The following URB1 variants were observed in gnomAD, a reference collection of about 807,000 sequenced individuals.
URB1 encodes URB1 ribosome biogenesis factor.
In URB1, 197 loss-of-function variants were observed where a neutral mutation model predicts 242.3. The ratio of observed to expected loss-of-function variants is 0.81; its 90% confidence interval spans 0.72 to 0.91. URB1 has a LOEUF of 0.91. Ranked by LOEUF, URB1 falls within the 40% of genes least tolerant of loss-of-function variation. The pLI is 0.00. For synonymous variants in URB1, 1,153 were observed against 1,201.8 expected (o/e 0.96, Z 0.84); for missense variants, 2,721 against 2,860.5 (o/e 0.95, Z 1.11).
chr21:32,321,797 G>GTACC lies in URB1; in HGVS notation c.5484_5484+3dup. On this transcript the variant is annotated splice_donor_region_variant and intron_variant, in intron 34 of 38. Coordinates refer to ENST00000382751, the MANE Select transcript of URB1 (RefSeq NM_014825.3). ...TCTCAAATAAGCTTGCGGAACCCAT[G>GTACC]TACCTGTGCTGCCTCGTCACACAGC... 1 of 1,551,656 alleles carries GTACC rather than the reference G, an allele frequency of 6.4e-7. No individual in the cohort carries two copies. The highest frequency in any genetic ancestry group is 1.2e-5 in the South Asian group (1 of 84,064).
At chr21:32,384,002 G>A (rs1371084884) in intron 3 of URB1, among the ~76,000 whole-genome samples, 1 of 152,168 alleles carries the variant, frequency 6.6e-6, no homozygotes, top group Admixed American at 6.5e-5. Context: ...TGGGAAGGTG[G>A]CATTTTATAA....
intron 32 of URB1, among the ~76,000 whole-genome samples, chr21:32,323,082 C>T (rs560359910): frequency 4.4e-4 from 67 of 152,350 alleles, no homozygotes; most frequent in Non-Finnish European, 8.5e-4. Context: ...CCTTGGATCA[C>T]CAATGAGTCT....
In URB1 at chr21:32,316,772, C is replaced by A. The variant is rs1429129957; in HGVS notation, c.6328G>T (p.Glu2110Ter). ...AVSWVLRSVAEHPLSRAEAAG... is the reference protein window; with the variant it reads ...AVSWVLRSVA ...GCCTCTGCCCTGCTGAGCGGGTGCT[C>A]GGCCACCGACCGCAGCACCCAACTG... is the stretch of plus-strand genomic sequence containing the variant. The change falls in exon 38 of 39, where the codon GAG becomes TAG. Residue 2110 changes from glutamate (E) to a stop codon, truncating the protein, a stop_gained. Coordinates refer to ENST00000382751, the MANE Select transcript of URB1 (RefSeq NM_014825.3). LOFTEE classifies it high-confidence loss of function. 1 of 1,549,908 alleles carries A rather than the reference C, an allele frequency of 6.5e-7. No individual in the cohort carries two copies. The highest frequency in any genetic ancestry group is 1.2e-5 in the South Asian group (1 of 83,952).
intron 22 of URB1, among the ~76,000 whole-genome samples, chr21:32,345,779 C>T (rs2033079969): frequency 6.6e-6 from 1 of 152,186 alleles, no homozygotes; most frequent in African/African-American, 2.4e-5. Flanking sequence ...CCTCCCCTAT[C>T]TCATCAGTCA....
chr21:32,311,936 C>G lies in URB1; in HGVS notation c.*2982G>C, dbSNP rs751870972. ...AACTGACCCTCAATGGGGGTCCCCT[C>G]GTCAGGAGCAAGCCCAGCGAGCCTC... On this transcript the variant is annotated 3_prime_UTR_variant, in exon 39 of 39. Coordinates refer to ENST00000382751, the MANE Select transcript of URB1 (RefSeq NM_014825.3). The G allele has an allele frequency of 6.2e-7, 1 of 1,613,668 alleles. No individual in the cohort carries two copies. Among genetic ancestry groups the G allele is most frequent in the Non-Finnish European group, 8.5e-7 (1 of 1,180,034 alleles).
intron 2 of URB1, among the ~76,000 whole-genome samples, chr21:32,385,007 AAAAGAAAGAAAGAAAG>A (rs56918578): frequency 6.6e-6 from 1 of 150,916 alleles, no homozygotes; most frequent in Non-Finnish European, 1.5e-5. Context: ...AAAAGAAAAG[AAAAGAAAGAAAGAAAG>A]AAAGAAAGAA....
rs2032712405 is a variant in URB1 at position 32,317,854 on chromosome 21, G to C, written c.5856C>G (p.Tyr1952Ter). ...FFGTLDSVLR[Y>*]RATVIQAFRD... ...TAAAGGCCTGTATGACAGTGGCCCGGTACCTCAGCACGGAGTCAAGTGTCC... is the reference window on the plus strand; with the variant it reads ...TAAAGGCCTGTATGACAGTGGCCCGCTACCTCAGCACGGAGTCAAGTGTCC... The change falls in exon 37 of 39, where the codon TAC (tyrosine) becomes TAG (stop). Residue 1952 changes from tyrosine (Y) to a stop codon, truncating the protein, a stop_gained. Coordinates refer to ENST00000382751, the MANE Select transcript of URB1 (RefSeq NM_014825.3). LOFTEE classifies it high-confidence loss of function. 6.4e-7 allele frequency: 1 copy of C among 1,551,874 alleles called. No individual in the cohort carries two copies. The highest frequency in any genetic ancestry group is 8.7e-7 in the Non-Finnish European group (1 of 1,147,040).
chr21:32,321,721 T>C, intron 34 of URB1, 80 bp downstream of exon 34: 1 of 1,526,854 alleles, frequency 6.5e-7, no homozygotes, highest in Non-Finnish European at 8.8e-7. Flanking sequence ...ACTGAATTCA[T>C]ACGGACTTGA....
At chr21:32,339,338 T>C (rs1377314845) in intron 25 of URB1, among the ~76,000 whole-genome samples, 2 of 151,978 alleles carry the variant, frequency 1.3e-5, no homozygotes, top group African/African-American at 4.8e-5. Context: ...CAACACCAAG[T>C]TGAGAATTTT....
At chr21:32,350,629 G>A (rs2033145803) in intron 20 of URB1, 75 bp downstream of exon 20, 3 of 1,486,584 alleles carry the variant, frequency 2.0e-6, no homozygotes, top group Admixed American at 2.0e-5. Flanking sequence ...GCTGGGCTGT[G>A]GGCCCGACTC....
In URB1 at chr21:32,384,346, A is replaced by G. The variant is rs1247859981; in HGVS notation, c.401T>C (p.Leu134Pro). 1 of 1,552,342 alleles carries G rather than the reference A, an allele frequency of 6.4e-7. No individual in the cohort carries two copies. The highest frequency in any genetic ancestry group is 2.0e-5 in the Admixed American group (1 of 51,016). The stretch of plus-strand genomic sequence containing the variant: ...TGAGGCATACAGGGACTCACAGATG[A>G]GCTTCATGTGGTTGTTCATCAGCTT... ...VKKLMNNHMK[L>P]ICESLYASGY... Residue 134 changes from leucine (L) to proline (P), a missense_variant, in exon 3 of 39, where the codon CTC becomes CCC. Physicochemically the swap from Leu to Pro is moderately conservative, Grantham distance 98. Transcript: ENST00000382751.
intron 32 of URB1, among the ~76,000 whole-genome samples, chr21:32,323,391 C>T (rs1168684256): frequency 7.9e-5 from 12 of 152,154 alleles, no homozygotes; most frequent in Non-Finnish European, 1.5e-5. Flanking sequence ...CCTGTGGTCC[C>T]TGATGGTACC....
chr21:32,355,538 G>T lies in URB1; in HGVS notation c.2017C>A (p.His673Asn). 6.4e-7 allele frequency: 1 copy of T among 1,551,714 alleles called. No homozygotes were observed. The highest frequency in any genetic ancestry group is 8.7e-7 in the Non-Finnish European group (1 of 1,146,972). ...KILRDTGVFE[H>N]TWKELELWLE... ...CAGAGCTCCAGCTCCTTCCAGGTGTGCTCAAACACCCCCGTGTCCCGCAGA... is the reference window on the plus strand; with the variant it reads ...CAGAGCTCCAGCTCCTTCCAGGTGTTCTCAAACACCCCCGTGTCCCGCAGA... Residue 673 changes from histidine to asparagine, a missense_variant, in exon 16 of 39, where the codon CAC becomes AAC. Coordinates refer to ENST00000382751, the MANE Select transcript of URB1 (RefSeq NM_014825.3).
chr21:32,332,832 T>C (rs1369403926), intron 30 of URB1, among the ~76,000 whole-genome samples: 2 of 152,116 alleles, frequency 1.3e-5, no homozygotes, highest in Non-Finnish European at 2.9e-5. Flanking sequence ...TTTCTCAATG[T>C]GCGTTACATG....
intron 32 of URB1, among the ~76,000 whole-genome samples, 171 bp downstream of exon 32, chr21:32,324,320 G>C (rs557566376): frequency 6.6e-6 from 1 of 152,178 alleles, no homozygotes; most frequent in African/African-American, 2.4e-5. Flanking sequence ...CCTATTTACT[G>C]TCCAGAGCTG....
intron 25 of URB1, 125 bp downstream of exon 25, chr21:32,341,340 TA>T: frequency 2.1e-6 from 2 of 934,184 alleles, no homozygotes; most frequent in Non-Finnish European, 1.6e-6. Context: ...CTTCTATCTC[TA>T]AAAACGAGGT....
chr21:32,383,852 T>C (rs886921253), intron 3 of URB1, among the ~76,000 whole-genome samples: 8 of 152,210 alleles, frequency 5.3e-5, no homozygotes, highest in Admixed American at 1.3e-4. Context: ...CCTCAGTCCC[T>C]GTGACTGCAG....
chr21:32,352,925 C>T lies in URB1; in HGVS notation c.2417-19G>A. ...TTTTCCGCTGCAAAGGAACGAGATG[C>T]ATATGGGAAGAGGCTGGCTGGGCCC... On this transcript the variant is annotated intron_variant, in intron 18 of 38. Transcript: ENST00000382751. 6.6e-7 allele frequency: 1 copy of T among 1,524,598 alleles called. No individual in the cohort carries two copies. Among genetic ancestry groups the T allele is most frequent in the African/African-American group, 1.4e-5 (1 of 72,760 alleles). 94.4% of individuals were successfully genotyped at this position (1,524,598 alleles called of 1,614,324 possible).
intron 25 of URB1, among the ~76,000 whole-genome samples, chr21:32,340,138 T>A (rs1488167628): frequency 6.6e-6 from 1 of 152,252 alleles, no homozygotes; most frequent in Non-Finnish European, 1.5e-5. Flanking sequence ...TGGCACCCAC[T>A]CTCACTTCTC....
Sources: gnomAD v4.1 joint callset for allele counts (sites outside exome capture counted in the v4.1 genomes callset) on GRCh38, gnomAD v4.1.1 for gene constraint, MANE v1.5 for transcripts, NCBI Gene and HGNC (gene_info 2026-07-23, HGNC 2026-07-21) for gene names.